ELMO1: variants seen among roughly 807,000 people sequenced by gnomAD.
ELMO1 encodes the protein engulfment and cell motility protein 1.
A neutral mutation model predicts 98.9 loss-of-function variants in ELMO1; 26 were observed. The ratio of observed to expected loss-of-function variants is 0.26; its 90% CI spans 0.19 to 0.36. The LOEUF (loss-of-function observed/expected upper bound fraction) is 0.36. Ranked by LOEUF, ELMO1 falls within the 10% of genes least tolerant of loss-of-function variation. The probability of loss-of-function intolerance (pLI) is 1.00; values close to 1 mark genes in which losing one functional copy is unlikely to be tolerated. For missense variants in ELMO1, 627 were observed against 935.2 expected (o/e 0.67, Z 4.30); for synonymous variants, 346 against 346.0 (o/e 1.00, Z 0.00).
chr7:37,211,095 T>C (rs567687487), intron 13 of ELMO1: 13 of 277,330 alleles, frequency 4.7e-5, no homozygotes, highest in East Asian at 3.1e-4. Context: ...TCTTGTGAAA[T>C]AGATTTAATG....
At chr7:37,348,689 GA>G (rs773125349) in intron 1 of ELMO1, among the ~76,000 whole-genome samples, 4 of 152,052 alleles carry the variant, frequency 2.6e-5, no homozygotes, top group Non-Finnish European at 4.4e-5. Context: ...ACGACAGACA[GA>G]AATCGCTTTG....
intron 1 of ELMO1, among the ~76,000 whole-genome samples, chr7:37,370,048 A>G (rs1036299564): frequency 1.3e-5 from 2 of 152,208 alleles, no homozygotes; most frequent in African/African-American, 4.8e-5. Flanking sequence ...ACCAGGAAAC[A>G]TTAACCACCA....
intron 4 of ELMO1, among the ~76,000 whole-genome samples, chr7:37,277,599 A>C (rs920525819): frequency 3.3e-5 from 5 of 152,128 alleles, no homozygotes; most frequent in African/African-American, 1.2e-4. Flanking sequence ...CAAACATGTC[A>C]TCTCTCTCTT....
At chr7:37,027,691 C>G (rs541864238) in intron 15 of ELMO1, among the ~76,000 whole-genome samples, 3 of 152,212 alleles carry the variant, frequency 2.0e-5, no homozygotes, top group African/African-American at 7.2e-5. Context: ...CTTTGCTACC[C>G]AAGCTCGTGT....
At chr7:37,165,076 G>A (rs1584747919) in intron 13 of ELMO1, among the ~76,000 whole-genome samples, 2 of 152,232 alleles carry the variant, frequency 1.3e-5, no homozygotes, top group South Asian at 4.1e-4. Context: ...GGATTCTTAG[G>A]TATTTTATTC....
chr7:37,258,782 T>C (rs1795828992), intron 6 of ELMO1, among the ~76,000 whole-genome samples: 1 of 152,154 alleles, frequency 6.6e-6, no homozygotes, highest in Admixed American at 6.5e-5. Context: ...AAAAGAAACA[T>C]AATTAGGTAA....
At chr7:36,996,964 AAG>A (rs1792261665) in intron 16 of ELMO1, among the ~76,000 whole-genome samples, 1 of 152,208 alleles carries the variant, frequency 6.6e-6, no homozygotes, top group Non-Finnish European at 1.5e-5. Flanking sequence ...CTGCTGGAAG[AAG>A]AGAGAGCCAG....
chr7:37,151,403 G>A (rs922048139), intron 13 of ELMO1, among the ~76,000 whole-genome samples: 9 of 152,082 alleles, frequency 5.9e-5, no homozygotes, highest in Non-Finnish European at 1.2e-4. Flanking sequence ...ATCACCAACT[G>A]GGCAATTAGG....
intron 1 of ELMO1, among the ~76,000 whole-genome samples, chr7:37,390,349 C>T (rs924452431): frequency 3.3e-5 from 5 of 152,156 alleles, no homozygotes; most frequent in Non-Finnish European, 5.9e-5. Context: ...GGGAAGGTCT[C>T]GCAGAGTGGA....
intron 15 of ELMO1, among the ~76,000 whole-genome samples, chr7:37,067,354 A>G (rs1797038161): frequency 6.6e-6 from 1 of 152,222 alleles, no homozygotes; most frequent in Non-Finnish European, 1.5e-5. Context: ...ACTACTTTTC[A>G]GGTCTGTTGG....
At chr7:37,033,387 T>C (rs766882621) in intron 15 of ELMO1, 1 of 455,194 alleles carries the variant, frequency 2.2e-6, no homozygotes, top group South Asian at 1.6e-5. Context: ...TTCACGGCAG[T>C]GTGAATTTTT....
At chr7:37,042,898 C>T (rs866527273) in intron 15 of ELMO1, among the ~76,000 whole-genome samples, 2 of 152,206 alleles carry the variant, frequency 1.3e-5, no homozygotes, top group South Asian at 2.1e-4. Context: ...TTCAGTTCTG[C>T]GCATCACATT....
intron 16 of ELMO1, among the ~76,000 whole-genome samples, chr7:36,952,136 A>G (rs984652916): frequency 6.6e-6 from 1 of 152,226 alleles, no homozygotes; most frequent in African/African-American, 2.4e-5. Context: ...GGAGGTGTTC[A>G]GCATCTCTGA....
At chr7:37,332,880 C>CT (rs1800209274) in intron 2 of ELMO1, among the ~76,000 whole-genome samples, 1 of 152,136 alleles carries the variant, frequency 6.6e-6, no homozygotes, top group African/African-American at 2.4e-5. Flanking sequence ...GAAGCGTGGC[C>CT]TGGCAGCCAG....
At chr7:36,874,951 C>T (rs1427451038) in intron 19 of ELMO1, among the ~76,000 whole-genome samples, 1 of 152,224 alleles carries the variant, frequency 6.6e-6, no homozygotes, top group Non-Finnish European at 1.5e-5. Flanking sequence ...CCTCAATCCT[C>T]ATGTGCACTA....
chr7:37,250,736 G>A (rs1290232889), intron 6 of ELMO1, among the ~76,000 whole-genome samples: 5 of 146,342 alleles, frequency 3.4e-5, no homozygotes, highest in Non-Finnish European at 7.4e-5. Context: ...AGCTTGCAAT[G>A]AGCCAAGATT....
At chr7:37,106,134 G>A (rs2129271377) in intron 14 of ELMO1, among the ~76,000 whole-genome samples, 1 of 152,046 alleles carries the variant, frequency 6.6e-6, no homozygotes, top group East Asian at 1.9e-4. Flanking sequence ...CATTGAAGCA[G>A]GACTGCATTT....
chr7:36,884,149 C>T (rs1397089241), intron 18 of ELMO1, among the ~76,000 whole-genome samples: 2 of 151,996 alleles, frequency 1.3e-5, no homozygotes, highest in South Asian at 2.1e-4. Context: ...GGTGAAATCC[C>T]ATCTCTGCTA....
chr7:37,332,584 C>A (rs1361161241), intron 2 of ELMO1, among the ~76,000 whole-genome samples: 1 of 152,206 alleles, frequency 6.6e-6, no homozygotes, highest in Non-Finnish European at 1.5e-5. Context: ...GTTAGACATG[C>A]AGAGAACTGA....
Sources: gnomAD v4.1 joint callset for allele counts (sites outside exome capture counted in the v4.1 genomes callset) on GRCh38, gnomAD v4.1.1 for gene constraint, MANE v1.5 for transcripts, NCBI Gene and HGNC (gene_info 2026-07-23, HGNC 2026-07-21) for gene names.